SLC35F3: variants seen among roughly 807,000 people sequenced by gnomAD.
SLC35F3 encodes solute carrier family 35 member F3.
A neutral mutation model predicts 49.9 loss-of-function variants in SLC35F3; 25 were observed. That is an observed-to-expected ratio of 0.50 (90% CI 0.37 to 0.70). The LOEUF (loss-of-function observed/expected upper bound fraction) is 0.70. Ranked by LOEUF, SLC35F3 falls within the 30% of genes least tolerant of loss-of-function variation. The pLI is 0.00. For missense variants in SLC35F3, 525 were observed against 639.8 expected (o/e 0.82, Z 1.94); for synonymous variants, 275 against 265.4 (o/e 1.04, Z -0.35).
intron 2 of SLC35F3, among the ~76,000 whole-genome samples, chr1:233,997,088 C>T (rs1471396541): frequency 2.0e-5 from 3 of 152,252 alleles, no homozygotes; most frequent in East Asian, 1.9e-4. Flanking sequence ...ACAGGATTTC[C>T]GTCTTTTTTC....
chr1:233,992,935 C>T (rs1572011896), intron 2 of SLC35F3, among the ~76,000 whole-genome samples: 1 of 152,054 alleles, frequency 6.6e-6, no homozygotes, highest in Non-Finnish European at 1.5e-5. Context: ...CCTGTGGCAG[C>T]TCCCAAAAAT....
At chr1:234,286,967 T>C (rs1455584612) in intron 3 of SLC35F3, among the ~76,000 whole-genome samples, 1 of 152,160 alleles carries the variant, frequency 6.6e-6, no homozygotes. Flanking sequence ...GCCAGGAGTT[T>C]GAGATCAGCT....
intron 2 of SLC35F3, among the ~76,000 whole-genome samples, chr1:234,072,157 A>G (rs553740630): frequency 3.9e-5 from 6 of 152,388 alleles, no homozygotes; most frequent in African/African-American, 1.4e-4. Flanking sequence ...CTAGAAGAAT[A>G]GGACAATCCT....
intron 2 of SLC35F3, among the ~76,000 whole-genome samples, chr1:234,000,999 G>A (rs1466959742): frequency 6.6e-6 from 1 of 152,208 alleles, no homozygotes; most frequent in Non-Finnish European, 1.5e-5. Context: ...CCAAGAGGCA[G>A]GAGTACAAAG....
At chr1:233,964,041 A>C (rs999999114) in intron 2 of SLC35F3, among the ~76,000 whole-genome samples, 1 of 152,234 alleles carries the variant, frequency 6.6e-6, no homozygotes, top group Non-Finnish European at 1.5e-5. Flanking sequence ...TAAACCTGGC[A>C]GTTCAAACTT....
At chr1:234,264,279 C>G (rs764059734) in intron 3 of SLC35F3, among the ~76,000 whole-genome samples, 5 of 152,226 alleles carry the variant, frequency 3.3e-5, no homozygotes, top group Non-Finnish European at 5.9e-5. Context: ...GTTCAAGGAC[C>G]TCACTCCAGC....
intron 2 of SLC35F3, among the ~76,000 whole-genome samples, chr1:234,133,214 C>G (rs1665759945): frequency 6.6e-6 from 1 of 152,120 alleles, no homozygotes; most frequent in Non-Finnish European, 1.5e-5. Flanking sequence ...TCCAAAGTAA[C>G]TAGAATAATT....
intron 2 of SLC35F3, among the ~76,000 whole-genome samples, chr1:233,931,458 A>C (rs955366851): frequency 1.3e-5 from 2 of 152,196 alleles, no homozygotes; most frequent in African/African-American, 4.8e-5. Context: ...CAACAGCAAC[A>C]GCAAAAAACA....
intron 3 of SLC35F3, among the ~76,000 whole-genome samples, chr1:234,281,224 TATAAG>T (rs1172214003): frequency 6.6e-6 from 1 of 152,070 alleles, no homozygotes; most frequent in African/African-American, 2.4e-5. Context: ...CAGGTGTGCC[TATAAG>T]AAGAGGAGAT....
intron 2 of SLC35F3, among the ~76,000 whole-genome samples, chr1:233,996,069 A>G (rs896580361): frequency 1.3e-5 from 2 of 152,134 alleles, no homozygotes; most frequent in African/African-American, 4.8e-5. Flanking sequence ...CATTTTATTA[A>G]TATTTTATAT....
intron 7 of SLC35F3, among the ~76,000 whole-genome samples, chr1:234,321,689 G>C (rs562506838): frequency 6.6e-6 from 1 of 152,156 alleles, no homozygotes; most frequent in Admixed American, 6.5e-5. Context: ...CAACATAAAA[G>C]GTTTAATGAT....
Position 234,223,901 on chromosome 1 carries a change from G to A in SLC35F3, c.284-7516G>A, listed in dbSNP as rs139427648. Among the ~76,000 whole-genome samples the A allele has an allele frequency of 5.3e-5, 8 of 152,288 alleles. No individual in the cohort carries two copies. The East Asian group carries it at 5.8e-4, about 11-fold the overall frequency. ...CTCTCTTCTTGGTTTGCAGATGGCC[G>A]CCTTCTGTGTCCTCACATGACCCCT... On this transcript the variant is annotated intron_variant, in intron 2 of 7. Transcript: ENST00000366618.
At chr1:234,035,557 T>A (rs924179296) in intron 2 of SLC35F3, among the ~76,000 whole-genome samples, 1 of 152,186 alleles carries the variant, frequency 6.6e-6, no homozygotes, top group African/African-American at 2.4e-5. Context: ...CTTCCATCTC[T>A]CTTTTCTAAA....
intron 2 of SLC35F3, among the ~76,000 whole-genome samples, chr1:234,219,705 A>C (rs1222125899): frequency 6.6e-6 from 1 of 152,156 alleles, no homozygotes; most frequent in Non-Finnish European, 1.5e-5. Context: ...TCTTCGCCAA[A>C]ATGACCTGAT....
intron 2 of SLC35F3, among the ~76,000 whole-genome samples, chr1:234,052,488 CT>C (rs1664392598): frequency 6.6e-6 from 1 of 152,066 alleles, no homozygotes; most frequent in Non-Finnish European, 1.5e-5. Flanking sequence ...GTGATATCCC[CT>C]TTATCATATT....
intron 2 of SLC35F3, among the ~76,000 whole-genome samples, chr1:234,029,165 G>C (rs917286858): frequency 6.6e-6 from 1 of 152,122 alleles, no homozygotes; most frequent in Non-Finnish European, 1.5e-5. Flanking sequence ...CAGACTCCAG[G>C]GCTCTTCATC....
rs937517691 is a variant in SLC35F3 at position 234,046,361 on chromosome 1, A to C, written c.283+140603A>C. ...TATCTTTTTATGGTTTTATTGAGTA[A>C]TTTTCTGCTTTCTAGTGAGGGTGAC... On this transcript the variant is annotated intron_variant, in intron 2 of 7. Coordinates refer to ENST00000366618, the MANE Select transcript of SLC35F3 (RefSeq NM_173508.4). This position sits in a 1 kb window ranked among gnomAD's most constrained non-coding sequence, Gnocchi z 4.4. Among the ~76,000 whole-genome samples the C allele has an allele frequency of 9.2e-5, 14 of 152,014 alleles. No homozygotes were observed. The highest frequency in any genetic ancestry group is 1.5e-5 in the Non-Finnish European group (1 of 67,986).
chr1:234,031,061 T>G (rs4564211), intron 2 of SLC35F3, among the ~76,000 whole-genome samples: 37,788 of 152,136 alleles, frequency 0.25, 9,660 homozygotes, highest in African/African-American at 0.64. Flanking sequence ...AAGCCAAGAC[T>G]TATAGAAGAG....
intron 2 of SLC35F3, among the ~76,000 whole-genome samples, chr1:234,195,223 A>G (rs1358204921): frequency 1.3e-5 from 2 of 152,226 alleles, no homozygotes; most frequent in Non-Finnish European, 2.9e-5. Context: ...AGGAGCAAGT[A>G]TGACAGCCTT....
Sources: allele counts gnomAD v4.1 joint callset (sites outside exome capture counted in the v4.1 genomes callset), GRCh38; gene constraint gnomAD v4.1.1; non-coding constraint Gnocchi (gnomAD v3.1); transcripts MANE v1.5; gene names NCBI Gene and HGNC (gene_info 2026-07-23, HGNC 2026-07-21).